The following POLR1A variants were observed in gnomAD, a reference collection of about 807,000 sequenced individuals.
The protein encoded by POLR1A is DNA-directed RNA polymerase I subunit RPA1.
A neutral mutation model predicts 205.3 loss-of-function variants in POLR1A; 84 were observed. That is an observed-to-expected ratio of 0.41 (90% confidence interval 0.34 to 0.49). The LOEUF (loss-of-function observed/expected upper bound fraction) is 0.49. Ranked by LOEUF, POLR1A falls within the 20% of genes least tolerant of loss-of-function variation. The probability of loss-of-function intolerance (pLI) is 0.22; values close to 1 mark genes in which losing one functional copy is unlikely to be tolerated. For missense variants in POLR1A, 1,645 were observed against 2,204.5 expected (o/e 0.75, Z 5.08); for synonymous variants, 799 against 863.7 (o/e 0.93, Z 1.31).
chr2:86,070,191 G>A lies in POLR1A; in HGVS notation c.1693C>T (p.Arg565Cys). 4 of 1,614,212 alleles carry A rather than the reference G, an allele frequency of 2.5e-6. No individual in the cohort carries two copies. The highest frequency in any genetic ancestry group is 1.3e-5 in the African/African-American group (1 of 75,056). Residue 565 changes from arginine to cysteine, a missense_variant, in exon 13 of 34, where the codon CGT (arginine) becomes TGT (cysteine). Around this residue, in one of 16 missense-constraint regions of POLR1A, gnomAD observed 17 missense variants for 29.4 expected, o/e 0.58. Transcript: ENST00000263857. The surrounding 1 kb of genome is among the most constrained non-coding windows in gnomAD (Gnocchi z 4.4). ...TTCTCTTCAGGCAGGATGCGGGCAC[G>A]GTGGGCCTGGATGGAGGGTCTGTGC... is the stretch of plus-strand genomic sequence containing the variant. ...TLHRPSIQAH[R>C]ARILPEEKVL...
At chr2:86,045,448 T>C (rs1331740209) in intron 20 of POLR1A, 88 bp from the exon 21 acceptor site, 1 of 1,282,620 alleles carries the variant, frequency 7.8e-7, no homozygotes, top group African/African-American at 1.5e-5. Flanking sequence ...CAGCAGCCTT[T>C]CCTGACCAGA....
At chr2:86,042,543 C>T (rs926940841) in intron 23 of POLR1A, among the ~76,000 whole-genome samples, 7 of 152,226 alleles carry the variant, frequency 4.6e-5, no homozygotes, top group Non-Finnish European at 1.0e-4. Context: ...TCAAAGAGAT[C>T]CCCTGCTTCC....
At chr2:86,062,537 T>C (rs991427162) in intron 14 of POLR1A, among the ~76,000 whole-genome samples, 4 of 151,996 alleles carry the variant, frequency 2.6e-5, no homozygotes, top group Non-Finnish European at 4.4e-5. Context: ...ACACAACATA[T>C]TAATTTGTGG....
chr2:86,064,076 T>C (rs1360130574), intron 14 of POLR1A, among the ~76,000 whole-genome samples: 1 of 152,266 alleles, frequency 6.6e-6, no homozygotes, highest in African/African-American at 2.4e-5. Context: ...TAAAATCCTC[T>C]GTACCAAATA....
At chr2:86,040,017 G>A (rs552675258) in intron 25 of POLR1A, 3 of 204,880 alleles carry the variant, frequency 1.5e-5, no homozygotes, top group African/African-American at 6.9e-5. Context: ...CAGGGCCCAG[G>A]GCCACGTGGG....
At chr2:86,038,403 C>G (rs536631140) in intron 27 of POLR1A, among the ~76,000 whole-genome samples, 14 of 152,344 alleles carry the variant, frequency 9.2e-5, no homozygotes, top group African/African-American at 3.4e-4. Flanking sequence ...ACCACACCCA[C>G]ATTTCCATGT....
chr2:86,090,534 C>G (rs1311590740), intron 3 of POLR1A, among the ~76,000 whole-genome samples: 1 of 152,002 alleles, frequency 6.6e-6, no homozygotes, highest in East Asian at 1.9e-4. Context: ...GCCGACAGGA[C>G]AGTGAGGAAT....
intron 6 of POLR1A, among the ~76,000 whole-genome samples, chr2:86,086,549 T>C (rs1673507770): frequency 6.6e-6 from 1 of 152,268 alleles, no homozygotes; most frequent in Admixed American, 6.5e-5. Flanking sequence ...TGTCCTGGCA[T>C]TGTGCTCATC....
intron 6 of POLR1A, 107 bp from the exon 7 acceptor site, chr2:86,083,275 A>C (rs953149701): frequency 3.9e-6 from 3 of 771,304 alleles, no homozygotes; most frequent in Non-Finnish European, 6.8e-6. Context: ...TGACCACAAA[A>C]ATCAATCTCA....
chr2:86,049,335 G>T, intron 16 of POLR1A, 93 bp from the exon 17 acceptor site: 2 of 819,794 alleles, frequency 2.4e-6, no homozygotes, highest in Non-Finnish European at 4.2e-6. Context: ...AGAGTCCAGT[G>T]CCACAGATGC....
At chr2:86,058,387 C>T (rs1276224007) in intron 14 of POLR1A, among the ~76,000 whole-genome samples, 1 of 148,368 alleles carries the variant, frequency 6.7e-6, no homozygotes, top group Non-Finnish European at 1.5e-5. Flanking sequence ...GTGTGAGCCA[C>T]CTCACCCAGC....
chr2:86,041,681 G>A (rs1477779489), intron 24 of POLR1A, among the ~76,000 whole-genome samples: 1 of 152,130 alleles, frequency 6.6e-6, no homozygotes, highest in Non-Finnish European at 1.5e-5. Flanking sequence ...CCAGATGGGG[G>A]TGTCCACTCC....
chr2:86,083,535 C>A (rs945570343), intron 6 of POLR1A, among the ~76,000 whole-genome samples: 1 of 152,090 alleles, frequency 6.6e-6, no homozygotes, highest in Admixed American at 6.6e-5. Flanking sequence ...CACTACTTTG[C>A]CCTTTTAGTA....
At chr2:86,063,071 C>G (rs1673023896) in intron 14 of POLR1A, among the ~76,000 whole-genome samples, 1 of 152,126 alleles carries the variant, frequency 6.6e-6, no homozygotes, top group Non-Finnish European at 1.5e-5. Flanking sequence ...CGCGGTGGCT[C>G]AGGCCTGTAG....
At chr2:86,047,302 T>A in intron 18 of POLR1A, 39 bp from the exon 19 acceptor site, 1 of 1,385,050 alleles carries the variant, frequency 7.2e-7, no homozygotes. Context: ...TGACTTCACC[T>A]TCTTTAAAAA....
intron 29 of POLR1A, among the ~76,000 whole-genome samples, chr2:86,031,913 G>A (rs1256544234): frequency 6.6e-6 from 1 of 152,120 alleles, no homozygotes; most frequent in Non-Finnish European, 1.5e-5. Context: ...AAGTTCCCTC[G>A]GCCATTATGA....
intron 24 of POLR1A, among the ~76,000 whole-genome samples, chr2:86,041,064 T>C (rs1672591132): frequency 6.6e-6 from 1 of 152,122 alleles, no homozygotes; most frequent in Non-Finnish European, 1.5e-5. Context: ...GAAGTATTCA[T>C]GCCGCACGAT....
intron 13 of POLR1A, 174 bp from the exon 14 acceptor site, chr2:86,065,639 C>T: frequency 3.3e-6 from 2 of 613,926 alleles, no homozygotes. Flanking sequence ...CTTCCCAAAG[C>T]ACATGACCAG....
intron 7 of POLR1A, 131 bp downstream of exon 7, chr2:86,082,951 A>G (rs1214824039): frequency 5.9e-6 from 4 of 678,770 alleles, no homozygotes; most frequent in Non-Finnish European, 7.7e-6. Context: ...GACTGCCCCA[A>G]ACCTCTGGAT....
Sources: allele counts gnomAD v4.1 joint callset (sites outside exome capture counted in the v4.1 genomes callset), GRCh38; gene constraint gnomAD v4.1.1; regional missense constraint gnomAD v4.1.1; non-coding constraint Gnocchi (gnomAD v3.1); transcripts MANE v1.5; gene names NCBI Gene and HGNC (gene_info 2026-07-23, HGNC 2026-07-21).